Variants in ABR observed in about 807,000 individuals in gnomAD.
The protein encoded by ABR is ABR activator of RhoGEF and GTPase.
ABR carries 35 observed loss-of-function variants against 107.2 expected under a neutral mutation model. The observed-to-expected ratio is 0.33, with a 90% CI of 0.25 to 0.43. ABR has a LOEUF of 0.43. ABR is among the 20% of genes least tolerant of loss of function. ABR has a pLI of 1.00. For missense variants in ABR, 815 were observed against 1,115.2 expected (o/e 0.73, Z 3.83); for synonymous variants, 498 against 462.0 (o/e 1.08, Z -1.00).
chr17:1,136,193 T>C (rs1022003800), intron 1 of ABR, among the ~76,000 whole-genome samples: 9 of 152,174 alleles, frequency 5.9e-5, no homozygotes, highest in African/African-American at 2.2e-4. Flanking sequence ...TTTGTCTACA[T>C]TGAAAATCTG....
At chr17:1,031,466 C>T (rs1359949557) in intron 16 of ABR, 3 of 611,558 alleles carry the variant, frequency 4.9e-6, no homozygotes, top group Non-Finnish European at 7.1e-6. Context: ...CGCACAGACC[C>T]CAGCTCTGTC....
intron 3 of ABR, among the ~76,000 whole-genome samples, chr17:1,097,118 A>G (rs2037515677): frequency 6.6e-6 from 1 of 152,176 alleles, no homozygotes; most frequent in African/African-American, 2.4e-5. Flanking sequence ...GTCTTGGCCC[A>G]GAGGAAGAGG....
chr17:1,073,783 A>C, intron 6 of ABR, 106 bp from the exon 7 acceptor site: 1 of 994,218 alleles, frequency 1.0e-6, no homozygotes, highest in Non-Finnish European at 1.5e-6. Context: ...CCACGTGAAC[A>C]CCCCTCGAGG....
chr17:1,087,530 G>A (rs866821983), intron 4 of ABR, among the ~76,000 whole-genome samples: 6 of 151,876 alleles, frequency 4.0e-5, no homozygotes, highest in South Asian at 2.1e-4. Flanking sequence ...GGGCAGGGCC[G>A]GACTTTTAAA....
rs2245293 is a variant in ABR, at chr17:1,150,673, T to C, written c.62-25306A>G. 0.62 allele frequency among the ~76,000 whole-genome samples: 94,038 copies of C among 151,472 alleles called. 29,840 individuals are homozygous for C. Among genetic ancestry groups the C allele is most frequent in the African/African-American group, 0.75 (30,813 of 41,304 alleles). On this transcript the variant is annotated intron_variant, in intron 1 of 22. Transcript: ENST00000302538. The surrounding 1 kb of genome is among the most constrained non-coding windows in gnomAD (Gnocchi z 4.8). The stretch of plus-strand genomic sequence containing the variant: ...CTTCACAAGTTTGGGTGAACACTCC[T>C]GGTACACGGTCTGTGGTAACATCCT...
At chr17:1,087,007 G>A (rs1486759536) in intron 4 of ABR, among the ~76,000 whole-genome samples, 1 of 152,026 alleles carries the variant, frequency 6.6e-6, no homozygotes, top group Non-Finnish European at 1.5e-5. Context: ...CTGCAGTCTG[G>A]AAGGCTATCC....
At chr17:1,056,007 C>A (rs773844115) in intron 14 of ABR, 28 bp downstream of exon 14, 3 of 1,606,822 alleles carry the variant, frequency 1.9e-6, no homozygotes, top group Non-Finnish European at 2.6e-6. Context: ...AATGGCCCAC[C>A]CAACCTCGTC....
In ABR at chr17:1,125,256, G is replaced by C. The variant is rs747920827; in HGVS notation, c.173C>G (p.Pro58Arg). 1 of 1,613,044 alleles carries C rather than the reference G, an allele frequency of 6.2e-7. No individual in the cohort carries two copies. The highest frequency in any genetic ancestry group is 8.5e-7 in the Non-Finnish European group (1 of 1,179,576). The change falls in exon 2 of 23, where the codon CCG (proline) becomes CGG (arginine). Residue 58 changes from proline to arginine, a missense_variant. Physicochemically the swap from Pro to Arg is moderately radical, Grantham distance 103. Transcript: ENST00000302538. Reference sequence around the variant, plus strand: ...GCCCTGGCTGCGGGCGCTGAGCTGCGGGGACATGGTGGGCGACTCATCGAT... The same window carrying C: ...GCCCTGGCTGCGGGCGCTGAGCTGCCGGGACATGGTGGGCGACTCATCGAT... ...PYIDESPTMSPQLSARSQGGG... is the reference protein window; with the variant it reads ...PYIDESPTMSRQLSARSQGGG...
At chr17:1,012,877 C>CACA in intron 17 of ABR, 80 bp from the exon 18 acceptor site, 2 of 1,258,766 alleles carry the variant, frequency 1.6e-6, no homozygotes, top group Non-Finnish European at 2.3e-6. Flanking sequence ...GGGGTCCCCT[C>CACA]CCCAAGACTG....
intron 1 of ABR, among the ~76,000 whole-genome samples, chr17:1,208,820 G>C (rs1361093131): frequency 1.3e-5 from 2 of 151,646 alleles, no homozygotes; most frequent in African/African-American, 4.9e-5. Context: ...CCCGGGAGGT[G>C]GAGCTTGCAG....
chr17:1,046,044 T>G (rs1250766896), intron 16 of ABR, among the ~76,000 whole-genome samples: 1 of 152,098 alleles, frequency 6.6e-6, no homozygotes, highest in Admixed American at 6.5e-5. Context: ...CTAATTTTTG[T>G]TTTTTTAGTA....
At chr17:1,214,008 C>A (rs1232237793) in intron 1 of ABR, among the ~76,000 whole-genome samples, 2 of 152,120 alleles carry the variant, frequency 1.3e-5, no homozygotes, top group Non-Finnish European at 1.5e-5. Flanking sequence ...CTGCCTCAGC[C>A]TCCCGAGTAG....
chr17:1,165,256 G>A (rs2041460542), intron 1 of ABR, among the ~76,000 whole-genome samples: 1 of 152,368 alleles, frequency 6.6e-6, no homozygotes, highest in East Asian at 1.9e-4. Context: ...TCAGTCCCTG[G>A]AGGGGAGCCT....
chr17:1,203,446 C>CGGGGGCGGAGGCTGCG (rs1555620307), intron 1 of ABR, among the ~76,000 whole-genome samples: 1 of 16,890 alleles, frequency 5.9e-5, no homozygotes, highest in Non-Finnish European at 1.1e-4. Context: ...ACGGAGTCTG[C>CGGGGGCGGAGGCTGCG]GGGGGCGGGG....
intron 6 of ABR, among the ~76,000 whole-genome samples, chr17:1,075,689 T>A (rs937723326): frequency 3.3e-5 from 5 of 152,260 alleles, no homozygotes; most frequent in African/African-American, 1.2e-4. Context: ...TGTATAATAA[T>A]GGTTGAAAAC....
At chr17:1,216,272 C>T (rs545100875) in intron 1 of ABR, among the ~76,000 whole-genome samples, 6 of 152,264 alleles carry the variant, frequency 3.9e-5, no homozygotes, top group African/African-American at 7.2e-5. Flanking sequence ...CACAAATCTG[C>T]GAGGTAGGGA....
At chr17:1,095,118 A>G (rs2151312187) in intron 3 of ABR, among the ~76,000 whole-genome samples, 1 of 152,260 alleles carries the variant, frequency 6.6e-6, no homozygotes, top group Admixed American at 6.5e-5. Context: ...CGCAGTCCCC[A>G]CTGAGGGGGA....
intron 1 of ABR, among the ~76,000 whole-genome samples, chr17:1,201,837 C>T (rs576008641): frequency 8.5e-5 from 13 of 152,074 alleles, no homozygotes; most frequent in Non-Finnish European, 1.9e-4. Context: ...CCACCACGCC[C>T]GGCTAATTTT....
exon 1 of ABR, among the ~76,000 whole-genome samples, chr17:1,229,318 C>T (rs1315585013): frequency 3.3e-5 from 5 of 149,844 alleles, no homozygotes; most frequent in Non-Finnish European, 4.5e-5. Context: ...GCCCCGGGCC[C>T]GGCGGGCAGG....
Sources: gnomAD v4.1 joint callset for allele counts (sites outside exome capture counted in the v4.1 genomes callset) on GRCh38, gnomAD v4.1.1 for gene constraint, Gnocchi (gnomAD v3.1) non-coding constraint, MANE v1.5 for transcripts, NCBI Gene and HGNC (gene_info 2026-07-23, HGNC 2026-07-21) for gene names.